Variants in NAV2 observed in about 807,000 individuals in gnomAD.
The protein encoded by NAV2 is neuron navigator 2.
NAV2 carries 54 observed loss-of-function variants against 223.2 expected under a neutral mutation model. The ratio of observed to expected loss-of-function variants is 0.24; its 90% CI spans 0.19 to 0.30. The LOEUF (loss-of-function observed/expected upper bound fraction) is 0.30. Among genes scored for constraint, NAV2 ranks in the 10% least tolerant of loss-of-function variants. The pLI, the probability that NAV2 is intolerant of heterozygous loss-of-function variation, is 1.00. For synonymous variants in NAV2, 1,279 were observed against 1,239.3 expected (o/e 1.03, Z -0.67); for missense variants, 2,806 against 3,147.5 (o/e 0.89, Z 2.60).
At chr11:19,366,000 T>C (rs1343078073) in intron 1 of NAV2, among the ~76,000 whole-genome samples, 1 of 152,222 alleles carries the variant, frequency 6.6e-6, no homozygotes, top group Non-Finnish European at 1.5e-5. Context: ...GGCCTGATTA[T>C]TGAAGGAGCC....
At chr11:19,785,919 C>G (rs544747559) in intron 1 of NAV2, among the ~76,000 whole-genome samples, 2 of 152,162 alleles carry the variant, frequency 1.3e-5, no homozygotes, top group South Asian at 4.1e-4. Flanking sequence ...ATGCTACATG[C>G]TTTCTGCCCT....
intron 3 of NAV2, among the ~76,000 whole-genome samples, chr11:19,863,227 G>A (rs535617504): frequency 6.3e-4 from 96 of 152,268 alleles, no homozygotes; most frequent in South Asian, 5.4e-3. Context: ...CCTTGCTTTC[G>A]CTCCTTCTCC....
intron 1 of NAV2, among the ~76,000 whole-genome samples, chr11:19,760,728 G>T (rs2054668926): frequency 1.3e-5 from 2 of 152,284 alleles, no homozygotes; most frequent in South Asian, 4.1e-4. Context: ...AGAACCAAAT[G>T]TTGTCCCATA....
At chr11:19,653,317 G>A (rs185436105) in intron 1 of NAV2, among the ~76,000 whole-genome samples, 22 of 152,278 alleles carry the variant, frequency 1.4e-4, no homozygotes, top group Admixed American at 3.3e-4. Flanking sequence ...TTTATTCAGC[G>A]TGACAGTGAA....
intron 1 of NAV2, among the ~76,000 whole-genome samples, chr11:19,707,100 TG>T (rs1181338350): frequency 6.6e-6 from 1 of 152,234 alleles, no homozygotes; most frequent in African/African-American, 2.4e-5. Context: ...GACTGGAAGT[TG>T]CTCTGGGTGA....
chr11:19,465,292 G>A (rs957895948), intron 1 of NAV2, among the ~76,000 whole-genome samples: 2 of 152,122 alleles, frequency 1.3e-5, no homozygotes, highest in East Asian at 1.9e-4. Context: ...TAGAGGAGAG[G>A]ACTACCCGGC....
At chr11:19,541,784 A>C (rs149361446) in intron 1 of NAV2, among the ~76,000 whole-genome samples, 2 of 152,034 alleles carry the variant, frequency 1.3e-5, no homozygotes, top group Non-Finnish European at 2.9e-5. Context: ...TTTAGTTCCA[A>C]TTGGACCCTG....
rs71050687 is a variant in NAV2, at chr11:19,793,226, AAAAG to A, written c.268-39237_268-39234del. Among the ~76,000 whole-genome samples the A allele has an allele frequency of 2.4e-3, 306 of 127,280 alleles. 2 individuals are homozygous for A. The highest frequency in any genetic ancestry group is 0.02 in the Middle Eastern group (5 of 244). 83.5% of individuals were successfully genotyped at this position (127,280 alleles called of 152,430 possible). A position where few individuals can be genotyped will look rare whatever the true frequency, so the allele number is the denominator to read the frequency against. On this transcript the variant is annotated intron_variant, in intron 1 of 37. Transcript: ENST00000349880. The stretch of plus-strand genomic sequence containing the variant: ...TGTCTCAAAAAAAAAAAAAAAAAAA[AAAAG>A]AAAGAAAGAAAGAAAGAAAGGATGG...
chr11:19,911,601 C>G (rs1348461418), intron 6 of NAV2, among the ~76,000 whole-genome samples: 1 of 152,158 alleles, frequency 6.6e-6, no homozygotes, highest in Non-Finnish European at 1.5e-5. Flanking sequence ...GATCAGAACC[C>G]AGGCTTTCTG....
At chr11:19,618,211 T>C (rs1380561229) in intron 1 of NAV2, among the ~76,000 whole-genome samples, 1 of 152,096 alleles carries the variant, frequency 6.6e-6, no homozygotes, top group Non-Finnish European at 1.5e-5. Context: ...GTTGCATGGA[T>C]GGATGGATGG....
intron 11 of NAV2, among the ~76,000 whole-genome samples, chr11:19,988,117 G>C (rs2050965863): frequency 6.6e-6 from 1 of 152,220 alleles, no homozygotes; most frequent in Non-Finnish European, 1.5e-5. Flanking sequence ...GTAAAGATCA[G>C]CTCTGGGAAA....
At chr11:19,837,701 T>C (rs1338280666) in intron 2 of NAV2, among the ~76,000 whole-genome samples, 1 of 152,076 alleles carries the variant, frequency 6.6e-6, no homozygotes, top group Non-Finnish European at 1.5e-5. Flanking sequence ...GCTACATTGT[T>C]CAAAAATGTG....
intron 1 of NAV2, among the ~76,000 whole-genome samples, chr11:19,500,542 T>A (rs1168614772): frequency 6.6e-6 from 1 of 152,226 alleles, no homozygotes; most frequent in Non-Finnish European, 1.5e-5. Context: ...TTTACTTTTA[T>A]CACATCTGAA....
intron 1 of NAV2, among the ~76,000 whole-genome samples, chr11:19,496,707 A>T (rs1168131255): frequency 2.6e-5 from 4 of 152,216 alleles, no homozygotes; most frequent in Admixed American, 1.3e-4. Flanking sequence ...GGTGGCAAGG[A>T]TCATTGAGGA....
chr11:19,494,390 C>T (rs2042727854), intron 1 of NAV2, among the ~76,000 whole-genome samples: 1 of 152,200 alleles, frequency 6.6e-6, no homozygotes, highest in Non-Finnish European at 1.5e-5. Flanking sequence ...CTTTGAGCTG[C>T]CACTTACTAG....
intron 5 of NAV2, among the ~76,000 whole-genome samples, chr11:19,881,737 A>G (rs541746064): frequency 4.6e-5 from 7 of 152,272 alleles, no homozygotes; most frequent in East Asian, 3.9e-4. Context: ...AAGCACATGA[A>G]CAGGAAAGGG....
At chr11:19,491,449 A>AT (rs950813585) in intron 1 of NAV2, among the ~76,000 whole-genome samples, 1 of 152,174 alleles carries the variant, frequency 6.6e-6, no homozygotes, top group Non-Finnish European at 1.5e-5. Context: ...TTCACCTTGT[A>AT]TTTTTATGTT....
intron 1 of NAV2, among the ~76,000 whole-genome samples, chr11:19,607,371 T>C (rs2046507219): frequency 6.6e-6 from 1 of 152,212 alleles, no homozygotes; most frequent in Non-Finnish European, 1.5e-5. Flanking sequence ...ACCAGCTCTG[T>C]TCCACCTTGC....
At chr11:19,555,148 T>C (rs2044836389) in intron 1 of NAV2, among the ~76,000 whole-genome samples, 1 of 152,166 alleles carries the variant, frequency 6.6e-6, no homozygotes, top group South Asian at 2.1e-4. Flanking sequence ...CAGGGATCAA[T>C]GTACAGGAAA....
Sources: allele counts gnomAD v4.1 joint callset (sites outside exome capture counted in the v4.1 genomes callset), GRCh38; gene constraint gnomAD v4.1.1; transcripts MANE v1.5; gene names NCBI Gene and HGNC (gene_info 2026-07-23, HGNC 2026-07-21).